Variants in RRAS2 observed in about 807,000 individuals in gnomAD.
RRAS2 encodes the protein ras-related protein R-Ras2.
RRAS2 carries 7 observed loss-of-function variants against 27.6 expected under a neutral mutation model. The observed-to-expected ratio is 0.25, with a 90% confidence interval of 0.14 to 0.48. The LOEUF is 0.48. Ranked by LOEUF, RRAS2 falls within the 20% of genes least tolerant of loss-of-function variation. The pLI, the probability that RRAS2 is intolerant of heterozygous loss-of-function variation, is 0.99. For missense variants in RRAS2, 178 were observed against 256.2 expected, an observed-to-expected ratio of 0.69 and a Z score of 2.08; for synonymous variants, 86 against 90.9, an observed-to-expected ratio of 0.95 and a Z score of 0.31.
intron 1 of RRAS2, among the ~76,000 whole-genome samples, chr11:14,350,334 C>G (rs1848923464): frequency 6.6e-6 from 1 of 152,110 alleles, no homozygotes. Flanking sequence ...CTCCCTGGGA[C>G]TGGGGTGTGA....
chr11:14,316,571 C>G (rs1554949578), intron 1 of RRAS2, among the ~76,000 whole-genome samples: 1 of 152,184 alleles, frequency 6.6e-6, no homozygotes, highest in East Asian at 1.9e-4. Flanking sequence ...AAGACCCTGT[C>G]TCTACCTACT....
At chr11:14,315,908 A>G (rs1848090936) in intron 1 of RRAS2, among the ~76,000 whole-genome samples, 1 of 152,242 alleles carries the variant, frequency 6.6e-6, no homozygotes, top group South Asian at 2.1e-4. Flanking sequence ...CAGAGGCAAG[A>G]TAAAGGGAGA....
intron 1 of RRAS2, among the ~76,000 whole-genome samples, chr11:14,328,774 C>T (rs990340023): frequency 6.6e-6 from 1 of 151,930 alleles, no homozygotes; most frequent in East Asian, 1.9e-4. Flanking sequence ...AAGCAATCCT[C>T]CTGGCTCAGC....
intron 1 of RRAS2, among the ~76,000 whole-genome samples, chr11:14,307,086 G>A (rs1448392690): frequency 6.6e-6 from 1 of 151,888 alleles, no homozygotes; most frequent in Non-Finnish European, 1.5e-5. Flanking sequence ...AGCTATGTGG[G>A]AAGTTGAAGT....
intron 1 of RRAS2, among the ~76,000 whole-genome samples, chr11:14,352,367 G>A (rs1401661946): frequency 1.3e-5 from 2 of 152,158 alleles, no homozygotes; most frequent in Non-Finnish European, 2.9e-5. Context: ...AAGGAGCTCA[G>A]TCCAATTATT....
intron 1 of RRAS2, among the ~76,000 whole-genome samples, chr11:14,325,342 C>A (rs1171288725): frequency 6.9e-6 from 1 of 145,882 alleles, no homozygotes. Flanking sequence ...GACAGAGTCT[C>A]GCTCTGTCGC....
At chr11:14,306,470 T>G (rs1847831420) in intron 1 of RRAS2, among the ~76,000 whole-genome samples, 1 of 152,104 alleles carries the variant, frequency 6.6e-6, no homozygotes, top group South Asian at 2.1e-4. Flanking sequence ...CCCAGATGAT[T>G]TGCAAATATT....
upstream of RRAS2, among the ~76,000 whole-genome samples, chr11:14,363,455 TC>T (rs1428763505): frequency 1.3e-5 from 2 of 152,204 alleles, no homozygotes; most frequent in Non-Finnish European, 2.9e-5. Context: ...GGACTTAGAA[TC>T]TGAATTTGTA....
intron 1 of RRAS2, among the ~76,000 whole-genome samples, chr11:14,352,020 T>C (rs532905685): frequency 3.2e-4 from 49 of 152,160 alleles, no homozygotes; most frequent in Non-Finnish European, 4.7e-4. Flanking sequence ...AAACCATATA[T>C]TGCAGGGAAT....
At chr11:14,316,608 T>C (rs111890340) in intron 1 of RRAS2, among the ~76,000 whole-genome samples, 24 of 152,136 alleles carry the variant, frequency 1.6e-4, no homozygotes, top group Non-Finnish European at 2.5e-4. Context: ...CCAGGCACGG[T>C]GGTACACCTC....
rs550672396 is a variant in RRAS2, at chr11:14,342,109, C to A, written c.108+16654G>T. 74 of 256,986 alleles carry A rather than the reference C, an allele frequency of 2.9e-4. 1 individual carries two copies. In the South Asian group the frequency reaches 5.5e-3, roughly 19 times the overall value. The allele number at this position is 256,986 out of a possible 1,614,324, so 15.9% of individuals were successfully genotyped here. On this transcript the variant is annotated intron_variant, in intron 1 of 5. Transcript: ENST00000256196. ...AGTGTGCTTTTGGGTGAAACCTCAC[C>A]CTTCCCTCTCCTCCTACCCCACTGC...
chr11:14,318,081 T>C (rs1342594661), intron 1 of RRAS2, among the ~76,000 whole-genome samples: 3 of 152,222 alleles, frequency 2.0e-5, no homozygotes, highest in Non-Finnish European at 4.4e-5. Flanking sequence ...CTGTCCTTTA[T>C]ACAGGAAAAG....
chr11:14,337,829 G>A (rs1305790828), intron 1 of RRAS2, among the ~76,000 whole-genome samples: 1 of 152,156 alleles, frequency 6.6e-6, no homozygotes, highest in Non-Finnish European at 1.5e-5. Context: ...TGGGATGAAG[G>A]AGAAATCAAG....
chr11:14,299,469 T>C (rs932846694), intron 1 of RRAS2, among the ~76,000 whole-genome samples: 15 of 152,200 alleles, frequency 9.9e-5, no homozygotes, highest in Non-Finnish European at 2.1e-4. Flanking sequence ...ACATATAAAT[T>C]AAATGGCTCC....
chr11:14,345,940 TA>T, intron 1 of RRAS2, among the ~76,000 whole-genome samples: 1 of 152,298 alleles, frequency 6.6e-6, no homozygotes, highest in African/African-American at 2.4e-5. Context: ...TCTTCATGAA[TA>T]AACAAGAAAA....
chr11:14,355,424 AG>A (rs1311049626), intron 1 of RRAS2, among the ~76,000 whole-genome samples: 1 of 152,342 alleles, frequency 6.6e-6, no homozygotes, highest in African/African-American at 2.4e-5. Flanking sequence ...CATTTTTCAA[AG>A]AAATATGAGC....
chr11:14,278,416 G>C lies in RRAS2; in HGVS notation c.*921C>G, dbSNP rs1319799834. 4.6e-5 allele frequency: 7 copies of C among 152,188 alleles called. No homozygotes were observed. Among genetic ancestry groups the C allele is most frequent in the African/African-American group, 1.7e-4 (7 of 41,472 alleles). 9.4% of individuals were successfully genotyped at this position (152,188 alleles called of 1,614,324 possible). A position where few individuals can be genotyped will look rare whatever the true frequency, so the allele number is the denominator to read the frequency against. On this transcript the variant is annotated 3_prime_UTR_variant, in exon 6 of 6. Transcript: ENST00000256196. ...CAAGGTATGCTATGAAAGCATATCTGCTTACAAACATATAAAAATACTTGT... is the reference window on the plus strand; with the variant it reads ...CAAGGTATGCTATGAAAGCATATCTCCTTACAAACATATAAAAATACTTGT...
At chr11:14,325,782 AAC>A (rs1286628789) in intron 1 of RRAS2, among the ~76,000 whole-genome samples, 1 of 152,208 alleles carries the variant, frequency 6.6e-6, no homozygotes, top group African/African-American at 2.4e-5. Flanking sequence ...AAAAAAATTT[AAC>A]ACACATTTTT....
At chr11:14,310,986 T>G (rs572675737) in intron 1 of RRAS2, among the ~76,000 whole-genome samples, 1 of 152,320 alleles carries the variant, frequency 6.6e-6, no homozygotes, top group South Asian at 2.1e-4. Flanking sequence ...GCATACACAC[T>G]GCTTCTGATA....
Sources: allele counts gnomAD v4.1 joint callset (sites outside exome capture counted in the v4.1 genomes callset), GRCh38; gene constraint gnomAD v4.1.1; transcripts MANE v1.5; gene names NCBI Gene and HGNC (gene_info 2026-07-23, HGNC 2026-07-21).